Variants in RAD50 observed in about 807,000 individuals in gnomAD.
The protein encoded by RAD50 is DNA repair protein RAD50.
Under a neutral mutation model 168.8 loss-of-function variants are expected in RAD50, and 132 were observed. The observed-to-expected ratio is 0.78, with a 90% CI of 0.68 to 0.90. The LOEUF is 0.90. Ranked by LOEUF, RAD50 falls within the 40% of genes least tolerant of loss-of-function variation. RAD50 has a pLI of 0.00. For missense variants in RAD50, 1,347 were observed against 1,534.4 expected (o/e 0.88, Z 2.04); for synonymous variants, 525 against 497.4 (o/e 1.06, Z -0.74).
At chr5:132,615,169 A>T (rs1361615392) in intron 19 of RAD50, among the ~76,000 whole-genome samples, 1 of 152,204 alleles carries the variant, frequency 6.6e-6, no homozygotes, top group Admixed American at 6.5e-5. Context: ...GAATCAACTT[A>T]AAAACTGTTT....
chr5:132,564,670 A>G (rs766180007), intron 2 of RAD50, among the ~76,000 whole-genome samples: 4 of 152,248 alleles, frequency 2.6e-5, no homozygotes, highest in Non-Finnish European at 4.4e-5. Flanking sequence ...GGCTGCAGAA[A>G]TTTGCATAAG....
intron 13 of RAD50, among the ~76,000 whole-genome samples, chr5:132,602,637 C>A (rs1193488734): frequency 1.3e-5 from 2 of 152,036 alleles, no homozygotes; most frequent in African/African-American, 4.8e-5. Context: ...TCATATATAT[C>A]CCTCATCCAG....
chr5:132,599,059 T>G (rs1750841989), intron 13 of RAD50, among the ~76,000 whole-genome samples: 1 of 152,238 alleles, frequency 6.6e-6, no homozygotes, highest in African/African-American at 2.4e-5. Flanking sequence ...GTAACTTTGA[T>G]AACTATTTGC....
chr5:132,566,811 T>G (rs932707714), intron 2 of RAD50, among the ~76,000 whole-genome samples: 4 of 152,358 alleles, frequency 2.6e-5, no homozygotes, highest in African/African-American at 9.6e-5. Context: ...TGCCAAACAT[T>G]CTGAAATTTC....
Position 132,642,220 on chromosome 5 carries a change from G to GGTAATCACTCATGA in RAD50, c.3796_3809dup (p.Asp1270GlufsTer2). 1 of 1,614,140 alleles carries GGTAATCACTCATGA rather than the reference G, an allele frequency of 6.2e-7. No individual in the cohort carries two copies. The highest frequency in any genetic ancestry group is 8.5e-7 in the Non-Finnish European group (1 of 1,179,992). On this transcript the variant is annotated frameshift_variant, in exon 25 of 25. Coordinates refer to ENST00000378823, the MANE Select transcript of RAD50 (RefSeq NM_005732.4). LOFTEE classifies it high-confidence loss of function. ...CACAGCAGCGTAACTTCCAGCTTCT[G>GGTAATCACTCATGA]GTAATCACTCATGATGAAGATTTTG...
rs878854787 is a variant in RAD50, at chr5:132,594,862, A to C, written c.1794-7A>C. On this transcript the variant is annotated splice_polypyrimidine_tract_variant and splice_region_variant and intron_variant, in intron 11 of 24. Coordinates refer to ENST00000378823, the MANE Select transcript of RAD50 (RefSeq NM_005732.4). Reference sequence around the variant, plus strand: ...AAAATGAAAATCCATATTTGCTCTTATTTTAGCAAGGAACTAGCTTCATCT... The same window carrying C: ...AAAATGAAAATCCATATTTGCTCTTCTTTTAGCAAGGAACTAGCTTCATCT... 14 of 1,596,670 alleles carry C rather than the reference A, an allele frequency of 8.8e-6. No homozygotes were observed. Among genetic ancestry groups the C allele is most frequent in the Admixed American group, 1.7e-5 (1 of 59,878 alleles).
chr5:132,625,089 CTTTTT>C (rs1160789107), intron 21 of RAD50, among the ~76,000 whole-genome samples: 1 of 140,576 alleles, frequency 7.1e-6, no homozygotes, highest in Admixed American at 7.1e-5. Context: ...ATTTTGAATT[CTTTTT>C]TTTTTTTTTT....
chr5:132,596,620 G>A (rs931406838), intron 13 of RAD50, among the ~76,000 whole-genome samples: 3 of 152,242 alleles, frequency 2.0e-5, no homozygotes, highest in Non-Finnish European at 4.4e-5. Context: ...CAGGAAATAT[G>A]TGATGATTGC....
chr5:132,585,639 T>C (rs1750584184), intron 5 of RAD50, among the ~76,000 whole-genome samples: 1 of 150,322 alleles, frequency 6.7e-6, no homozygotes, highest in African/African-American at 2.5e-5. Flanking sequence ...GGTCTCGCTG[T>C]CTTACCCAGG....
intron 21 of RAD50, among the ~76,000 whole-genome samples, chr5:132,625,654 A>G (rs1046978404): frequency 1.1e-4 from 17 of 152,004 alleles, no homozygotes; most frequent in African/African-American, 4.1e-4. Context: ...TTCTTACTAT[A>G]TTTTTGTACT....
rs753030058 is a variant in RAD50, at chr5:132,557,278, C to G, written c.-47C>G. ...ACGCCTTGCTTCGGCCTCAGTTAAG[C>G]CTTTGTGGGCTCCAGGTCCCTGGTG... On this transcript the variant is annotated 5_prime_UTR_variant, in exon 1 of 25. Coordinates refer to ENST00000378823, the MANE Select transcript of RAD50 (RefSeq NM_005732.4). 9.3e-6 allele frequency: 15 copies of G among 1,607,802 alleles called. No homozygotes were observed. Among genetic ancestry groups the G allele is most frequent in the Non-Finnish European group, 1.2e-5 (14 of 1,174,280 alleles).
chr5:132,557,488 C>A (rs1236391182), intron 1 of RAD50, 35 bp downstream of exon 1: 2 of 1,613,234 alleles, frequency 1.2e-6, no homozygotes, highest in African/African-American at 1.3e-5. Flanking sequence ...GTTTACAGGT[C>A]GCTACATCTT....
intron 19 of RAD50, among the ~76,000 whole-genome samples, chr5:132,610,257 T>A (rs2149850392): frequency 6.6e-6 from 1 of 152,258 alleles, no homozygotes; most frequent in East Asian, 1.9e-4. Context: ...TTAACATGTA[T>A]CTGTATCTTT....
rs142561208 is a variant in RAD50, at chr5:132,608,851, G to A, written c.2829+126G>A. 510 of 1,407,960 alleles carry A rather than the reference G, an allele frequency of 3.6e-4. 5 individuals are homozygous for A. In the East Asian group the frequency reaches 0.012, roughly 34 times the overall value. The allele number at this position is 1,407,960 out of a possible 1,614,324, so 87.2% of individuals were successfully genotyped here. On this transcript the variant is annotated intron_variant, in intron 17 of 24. Transcript: ENST00000378823. ...AGATAAATAGTATTTTCAGATTCAT[G>A]GTATAATTTTGACATTAGAAATTCT...
At chr5:132,590,832 G>T (rs1750684804) in intron 9 of RAD50, among the ~76,000 whole-genome samples, 1 of 152,134 alleles carries the variant, frequency 6.6e-6, no homozygotes, top group African/African-American at 2.4e-5. Flanking sequence ...CTTGGTCAGG[G>T]ACCACATCAC....
chr5:132,638,193 T>G lies in RAD50; in HGVS notation c.3588T>G (p.Asp1196Glu), dbSNP rs763353600. Residue 1196 changes from aspartate (D) to glutamate (E), a missense_variant, in exon 23 of 25, where the codon GAT (aspartate) becomes GAG (glutamate). Asp to Glu is a conservative substitution (Grantham distance 45, BLOSUM62 2). This residue lies in a region of RAD50 where 635 missense variants were observed against 739.2 expected (regional missense o/e 0.86). Coordinates refer to ENST00000378823, the MANE Select transcript of RAD50 (RefSeq NM_005732.4). ...VVMLKGDTAL[D>E]MRGRCSAGQK... is the part of the protein sequence containing the mutation. Reference sequence around the variant, plus strand: ...TGCTGAAGGGAGACACAGCCTTGGATATGCGAGGACGATGCAGTGCTGGAC... The same window carrying G: ...TGCTGAAGGGAGACACAGCCTTGGAGATGCGAGGACGATGCAGTGCTGGAC... 4.3e-6 allele frequency: 7 copies of G among 1,614,182 alleles called. No homozygotes were observed. The highest frequency in any genetic ancestry group is 5.9e-6 in the Non-Finnish European group (7 of 1,180,042).
chr5:132,609,870 A>C (rs1234908939), intron 19 of RAD50, among the ~76,000 whole-genome samples: 1 of 152,154 alleles, frequency 6.6e-6, no homozygotes, highest in Admixed American at 6.5e-5. Context: ...TAAAAGACTC[A>C]TGGTAAAAGT....
intron 16 of RAD50, 52 bp downstream of exon 16, chr5:132,605,051 T>A: frequency 7.4e-7 from 1 of 1,343,962 alleles, no homozygotes; most frequent in Non-Finnish European, 1.0e-6. Flanking sequence ...TATTTATTTT[T>A]ATTTTTATTT....
rs1479560554 is a variant in RAD50 at position 132,644,531 on chromosome 5, G to C, written c.*2167G>C. On this transcript the variant is annotated 3_prime_UTR_variant, in exon 25 of 25. Coordinates refer to ENST00000378823, the MANE Select transcript of RAD50 (RefSeq NM_005732.4). Reference sequence around the variant, plus strand: ...ACATATTTTGTAGGGTTGTTATGAAGATTGAATGACATTATTTACAAACTG... The same window carrying C: ...ACATATTTTGTAGGGTTGTTATGAACATTGAATGACATTATTTACAAACTG... The C allele has an allele frequency of 1.1e-5, 2 of 181,620 alleles. No homozygotes were observed. The highest frequency in any genetic ancestry group is 4.7e-5 in the African/African-American group (2 of 42,448). 11.3% of individuals were successfully genotyped at this position (181,620 alleles called of 1,614,324 possible). A position where few individuals can be genotyped will look rare whatever the true frequency, so the allele number is the denominator to read the frequency against.
Sources: allele counts gnomAD v4.1 joint callset (sites outside exome capture counted in the v4.1 genomes callset), GRCh38; gene constraint gnomAD v4.1.1; regional missense constraint gnomAD v4.1.1; transcripts MANE v1.5; gene names NCBI Gene and HGNC (gene_info 2026-07-23, HGNC 2026-07-21).